The following SPINK13 variants were observed in gnomAD, a reference collection of about 807,000 sequenced individuals.
SPINK13 encodes serine peptidase inhibitor Kazal type 13.
A neutral mutation model predicts 11.0 loss-of-function variants in SPINK13; 11 were observed. The observed-to-expected ratio is 1.00, with a 90% CI of 0.63 to 1.65. SPINK13 has a LOEUF of 1.65. Ranked by LOEUF, SPINK13 falls within the 40% of genes most tolerant of loss-of-function variation. The probability of loss-of-function intolerance (pLI) is 0.00; values close to 1 mark genes in which losing one functional copy is unlikely to be tolerated. For missense variants in SPINK13, 113 were observed against 117.7 expected, an observed-to-expected ratio of 0.96 and a Z score of 0.19; for synonymous variants, 31 against 35.6, an observed-to-expected ratio of 0.87 and a Z score of 0.46.
chr5:148,270,953 G>A (rs1756341925), intron 2 of SPINK13: 1 of 152,222 alleles, frequency 6.6e-6, no homozygotes, highest in South Asian at 2.1e-4. Flanking sequence ...CAGGAGGAAT[G>A]CATCACTGCT....
chr5:148,285,518 A>T (rs1490784833), intron 4 of SPINK13, among the ~76,000 whole-genome samples: 1 of 152,222 alleles, frequency 6.6e-6, no homozygotes, highest in South Asian at 2.1e-4. Flanking sequence ...TATTTAGAGA[A>T]TAGTAATATG....
intron 3 of SPINK13, among the ~76,000 whole-genome samples, chr5:148,277,329 G>A (rs191163916): frequency 3.9e-5 from 6 of 152,336 alleles, no homozygotes; most frequent in Admixed American, 3.9e-4. Flanking sequence ...TAGGAGTGGT[G>A]AGAGAGGACA....
intron 3 of SPINK13, among the ~76,000 whole-genome samples, chr5:148,281,398 C>A (rs1465854842): frequency 3.3e-5 from 5 of 152,108 alleles, no homozygotes; most frequent in Non-Finnish European, 2.9e-5. Flanking sequence ...GTGCTTGAAA[C>A]CCAGGGCCCT....
At chr5:148,281,958 C>A in intron 3 of SPINK13, 146 bp from the exon 4 acceptor site, 1 of 1,128,218 alleles carries the variant, frequency 8.9e-7, no homozygotes, top group Non-Finnish European at 1.2e-6. Context: ...ACTGGCCTGA[C>A]AGAAGGCCAC....
intron 3 of SPINK13, among the ~76,000 whole-genome samples, chr5:148,279,245 G>C (rs199773198): frequency 6.6e-6 from 1 of 151,902 alleles, no homozygotes; most frequent in African/African-American, 2.4e-5. Flanking sequence ...TTGCCAGTCT[G>C]TGTCTTTTAA....
chr5:148,274,435 C>G (rs1372894359), intron 3 of SPINK13, 51 bp downstream of exon 3: 46 of 1,461,762 alleles, frequency 3.1e-5, no homozygotes, highest in Non-Finnish European at 4.2e-5. Context: ...TAATCACTCT[C>G]CAGACATGAG....
At chr5:148,284,397 T>A (rs1026057003) in intron 4 of SPINK13, among the ~76,000 whole-genome samples, 3 of 152,152 alleles carry the variant, frequency 2.0e-5, no homozygotes, top group African/African-American at 7.2e-5. Context: ...ACTCTAGTTT[T>A]TATTTCTCAG....
intron 3 of SPINK13, among the ~76,000 whole-genome samples, chr5:148,279,882 A>C (rs1756487659): frequency 1.3e-5 from 2 of 152,160 alleles, no homozygotes; most frequent in South Asian, 4.1e-4. Flanking sequence ...GGTGTTTTCC[A>C]ACTTGGTTCC....
intron 1 of SPINK13, among the ~76,000 whole-genome samples, chr5:148,269,387 T>C (rs186423074): frequency 2.4e-4 from 36 of 152,268 alleles, no homozygotes; most frequent in Non-Finnish European, 1.9e-4. Context: ...TCATATGTCA[T>C]ATGTTTTTTG....
rs1177854253 is a variant in SPINK13 at position 148,271,781 on chromosome 5, C to G, written c.70+1639C>G. On this transcript the variant is annotated intron_variant, in intron 2 of 4. Coordinates refer to ENST00000398450, the MANE Select transcript of SPINK13 (RefSeq NM_001040129.3). ...CTGGCACTACAGGCGCCCGCCACCA[C>G]GCCTGGCTAATTTTTTGTATTTTTA... 2.0e-5 allele frequency among the ~76,000 whole-genome samples: 3 copies of G among 152,180 alleles called. No homozygotes were observed. In the South Asian group the frequency reaches 6.2e-4, roughly 32 times the overall value.
At chr5:148,271,636 A>G (rs1756351948) in intron 2 of SPINK13, among the ~76,000 whole-genome samples, 1 of 151,928 alleles carries the variant, frequency 6.6e-6, no homozygotes, top group Non-Finnish European at 1.5e-5. Flanking sequence ...GTCATAAAGG[A>G]CTTTTTGTTT....
chr5:148,286,112 T>G lies in SPINK13; in HGVS notation c.*64T>G. On this transcript the variant is annotated 3_prime_UTR_variant, in exon 5 of 5. Coordinates refer to ENST00000398450, the MANE Select transcript of SPINK13 (RefSeq NM_001040129.3). ...ACTTAATTCAGAATAGTATTTCTTTTAGAGTGTGAGAATGTAAATTAAATA... is the reference window on the plus strand; with the variant it reads ...ACTTAATTCAGAATAGTATTTCTTTGAGAGTGTGAGAATGTAAATTAAATA... 1 of 1,084,756 alleles carries G rather than the reference T, an allele frequency of 9.2e-7. No homozygotes were observed. 67.2% of individuals were successfully genotyped at this position (1,084,756 alleles called of 1,614,324 possible).
At chr5:148,278,568 A>G (rs901711033) in intron 3 of SPINK13, among the ~76,000 whole-genome samples, 4 of 152,164 alleles carry the variant, frequency 2.6e-5, no homozygotes, top group East Asian at 3.8e-4. Context: ...GTTTCCATGT[A>G]GTTGTGCAGT....
At chr5:148,274,552 G>A (rs1334620398) in intron 3 of SPINK13, among the ~76,000 whole-genome samples, 168 bp downstream of exon 3, 1 of 152,072 alleles carries the variant, frequency 6.6e-6, no homozygotes, top group Non-Finnish European at 1.5e-5. Flanking sequence ...GTTCAAGGTC[G>A]GCCTGAGCAA....
At chr5:148,276,410 C>G (rs1756430599) in intron 3 of SPINK13, among the ~76,000 whole-genome samples, 1 of 152,134 alleles carries the variant, frequency 6.6e-6, no homozygotes, top group African/African-American at 2.4e-5. Flanking sequence ...AGGTTTTCTT[C>G]TAGGGATTTT....
At chr5:148,272,120 T>G (rs532835309) in intron 2 of SPINK13, among the ~76,000 whole-genome samples, 1 of 152,330 alleles carries the variant, frequency 6.6e-6, no homozygotes, top group South Asian at 2.1e-4. Context: ...ACTCTTTTGT[T>G]GATGGACATT....
intron 4 of SPINK13, among the ~76,000 whole-genome samples, chr5:148,283,890 A>G (rs1341909653): frequency 6.6e-6 from 1 of 152,140 alleles, no homozygotes; most frequent in South Asian, 2.1e-4. Flanking sequence ...AATCACATAG[A>G]TTCAAACAGA....
chr5:148,283,044 A>C (rs1289083920), intron 4 of SPINK13, among the ~76,000 whole-genome samples: 1 of 152,178 alleles, frequency 6.6e-6, no homozygotes, highest in Non-Finnish European at 1.5e-5. Flanking sequence ...CCAAAGATGC[A>C]TGAGGTGGAG....
chr5:148,270,050 A>G lies in SPINK13; in HGVS notation c.-23A>G, dbSNP rs1334901500. ...TGGGCATGTTCACAGGCCTTATCAA[A>G]GAAGAGTCTTATATGAGATCAAATG... is the stretch of plus-strand genomic sequence containing the variant. On this transcript the variant is annotated 5_prime_UTR_variant, in exon 2 of 5. Transcript: ENST00000398450. The G allele has an allele frequency of 1.2e-6, 2 of 1,612,862 alleles. No homozygotes were observed. The highest frequency in any genetic ancestry group is 2.7e-5 in the African/African-American group (2 of 74,896).
Sources: gnomAD v4.1 joint callset for allele counts (sites outside exome capture counted in the v4.1 genomes callset) on GRCh38, gnomAD v4.1.1 for gene constraint, MANE v1.5 for transcripts, NCBI Gene and HGNC (gene_info 2026-07-23, HGNC 2026-07-21) for gene names.